PHF24: variants seen among roughly 807,000 people sequenced by gnomAD.
PHF24 encodes PHD finger protein 24.
A neutral mutation model predicts 42.6 loss-of-function variants in PHF24; 25 were observed. The observed-to-expected ratio is 0.59, with a 90% CI of 0.43 to 0.82. The LOEUF is 0.82. PHF24 is among the 40% of genes least tolerant of loss of function. The pLI is 0.00. For missense variants in PHF24, 470 were observed against 538.1 expected, an observed-to-expected ratio of 0.87 and a Z score of 1.25; for synonymous variants, 185 against 204.8, an observed-to-expected ratio of 0.90 and a Z score of 0.83.
the PHF24 span, among the ~76,000 whole-genome samples, chr9:34,694,289 C>A: frequency 4.0e-5 from 6 of 150,754 alleles, no homozygotes; most frequent in Non-Finnish European, 8.9e-5. Flanking sequence ...CTTGCCTCAG[C>A]CACCCGAGTA....
At chr9:34,829,282 T>C in the PHF24 span, among the ~76,000 whole-genome samples, 1 of 152,134 alleles carries the variant, frequency 6.6e-6, no homozygotes, top group African/African-American at 2.4e-5. Context: ...TATGTGTAAA[T>C]GGATGATGGT....
chr9:34,976,565 G>T, exon 5 of PHF24: 1 of 1,614,002 alleles, frequency 6.2e-7, no homozygotes, highest in Non-Finnish European at 8.5e-7. Context: ...GACTTTCTGC[G>T]TTACCGCCAC....
the PHF24 span, among the ~76,000 whole-genome samples, chr9:34,673,540 G>A: frequency 6.7e-6 from 1 of 149,612 alleles, no homozygotes; most frequent in Non-Finnish European, 1.5e-5. Flanking sequence ...GTGTGATCTC[G>A]GCTCACTGCA....
At chr9:34,723,350 T>C in the PHF24 span, 1 of 1,551,474 alleles carries the variant, frequency 6.4e-7, no homozygotes, top group East Asian at 2.4e-5. Context: ...CCGGAGCTTA[T>C]CGTCTAGGGA....
the PHF24 span, among the ~76,000 whole-genome samples, chr9:34,885,974 C>T: frequency 1.3e-5 from 2 of 151,940 alleles, no homozygotes; most frequent in Non-Finnish European, 2.9e-5. Flanking sequence ...GCTCCTCACT[C>T]GTCCCTCTGG....
chr9:34,815,050 A>G, the PHF24 span, among the ~76,000 whole-genome samples: 1 of 152,200 alleles, frequency 6.6e-6, no homozygotes, highest in Non-Finnish European at 1.5e-5. Flanking sequence ...GACAATCACT[A>G]CCATTTGTTT....
chr9:34,977,575 G>A, exon 7 of PHF24: 1 of 1,609,952 alleles, frequency 6.2e-7, no homozygotes, highest in Middle Eastern at 1.7e-4. Context: ...ATCGCAGATA[G>A]CAGCCCAGCC....
At chr9:34,839,781 C>G in the PHF24 span, among the ~76,000 whole-genome samples, 4 of 152,168 alleles carry the variant, frequency 2.6e-5, no homozygotes, top group Non-Finnish European at 5.9e-5. Flanking sequence ...GACAAATTTA[C>G]GTGAATCAAG....
the PHF24 span, chr9:34,690,424 C>CTGTGTGTGTGTGTGTGTG: frequency 1.5e-3 from 888 of 608,480 alleles, 6 homozygotes; most frequent in Admixed American, 1.8e-3. Flanking sequence ...TTGAGGACAC[C>CTGTGTGTGTGTGTGTGTG]TGTGTGTGTG....
At chr9:34,902,080 T>A in the PHF24 span, among the ~76,000 whole-genome samples, 1 of 152,100 alleles carries the variant, frequency 6.6e-6, no homozygotes, top group Non-Finnish European at 1.5e-5. Context: ...ACTAATAAAG[T>A]AAAAACTCAG....
chr9:34,838,457 A>G, the PHF24 span: 1 of 1,327,444 alleles, frequency 7.5e-7, no homozygotes, highest in South Asian at 1.3e-5. Context: ...TATAAGGGAT[A>G]TCCAACATCC....
the PHF24 span, among the ~76,000 whole-genome samples, chr9:34,933,657 TGAGCTTGCAG>T: frequency 6.7e-6 from 1 of 150,256 alleles, no homozygotes; most frequent in South Asian, 2.1e-4. Context: ...CCGGGGAGGC[TGAGCTTGCAG>T]TGAGCTGAGA....
At chr9:34,854,926 T>A in the PHF24 span, among the ~76,000 whole-genome samples, 2 of 152,202 alleles carry the variant, frequency 1.3e-5, no homozygotes, top group African/African-American at 4.8e-5. Context: ...TCTTTGAAGG[T>A]CTCTAAGAAC....
At chr9:34,750,894 C>T in the PHF24 span, among the ~76,000 whole-genome samples, 23 of 152,156 alleles carry the variant, frequency 1.5e-4, no homozygotes, top group Admixed American at 2.0e-4. Flanking sequence ...TCCATAATAA[C>T]ATTGAATGTG....
the PHF24 span, among the ~76,000 whole-genome samples, chr9:34,714,774 A>G: frequency 1 from 152,325 of 152,332 alleles, 76,159 homozygotes; most frequent in Non-Finnish European, 1. Flanking sequence ...GAAAAAAAGG[A>G]GAGATGGCAG....
the PHF24 span, among the ~76,000 whole-genome samples, chr9:34,812,679 C>T: frequency 6.6e-6 from 1 of 152,202 alleles, no homozygotes; most frequent in Non-Finnish European, 1.5e-5. Context: ...CTCCTCAGCC[C>T]TGTCTGGCCC....
At chr9:34,904,707 T>C in the PHF24 span, among the ~76,000 whole-genome samples, 2 of 149,056 alleles carry the variant, frequency 1.3e-5, no homozygotes, top group African/African-American at 5.0e-5. Context: ...TGTCCTTTCC[T>C]GGTTTTGGTC....
the PHF24 span, among the ~76,000 whole-genome samples, chr9:34,796,249 G>A: frequency 6.6e-6 from 1 of 150,432 alleles, no homozygotes; most frequent in Non-Finnish European, 1.5e-5. Flanking sequence ...ATAAATCTAA[G>A]TATAAAATAT....
the PHF24 span, among the ~76,000 whole-genome samples, chr9:34,689,396 GAA>G: frequency 6.6e-6 from 1 of 151,900 alleles, no homozygotes; most frequent in South Asian, 2.1e-4. The surrounding 1 kb of genome is among the most constrained non-coding windows in gnomAD (Gnocchi z 4.1). Context: ...CCACAGAAGA[GAA>G]AATAGATCCT....
Sources: gnomAD v4.1 joint callset for allele counts (sites outside exome capture counted in the v4.1 genomes callset) on GRCh38, gnomAD v4.1.1 for gene constraint, Gnocchi (gnomAD v3.1) non-coding constraint, MANE v1.5 for transcripts, NCBI Gene and HGNC (gene_info 2026-07-23, HGNC 2026-07-21) for gene names.